The following DACH2 variants were observed in gnomAD, a reference collection of about 807,000 sequenced individuals.
DACH2 encodes the protein dachshund family transcription factor 2.
A neutral mutation model predicts 35.8 loss-of-function variants in DACH2; 17 were observed. The observed-to-expected ratio is 0.48, with a 90% CI of 0.33 to 0.71. DACH2 has a LOEUF of 0.71. Among genes scored for constraint, DACH2 ranks in the 30% least tolerant of loss-of-function variants. The pLI is 0.02. For missense variants in DACH2, 469 were observed against 472.7 expected, an observed-to-expected ratio of 0.99 and a Z score of 0.07; for synonymous variants, 195 against 177.3, an observed-to-expected ratio of 1.10 and a Z score of -0.79.
chrX:86,460,299 A>G (rs2037547190), intron 2 of DACH2, among the ~76,000 whole-genome samples: 1 of 111,137 alleles, frequency 9.0e-6, no homozygotes, highest in Non-Finnish European at 1.9e-5. Flanking sequence ...AGAATACTAC[A>G]TTTCAAAATG....
intron 3 of DACH2, among the ~76,000 whole-genome samples, chrX:86,572,388 G>A (rs896267976): frequency 2.7e-5 from 3 of 111,376 alleles, no homozygotes; most frequent in African/African-American, 9.8e-5. Flanking sequence ...GTTTATTGAT[G>A]TTGTATACTA....
At chrX:86,183,843 C>G (rs1352442817) in intron 1 of DACH2, among the ~76,000 whole-genome samples, 3 of 111,411 alleles carry the variant, frequency 2.7e-5, no homozygotes, top group Admixed American at 1.9e-4. Flanking sequence ...ATTACTGCCT[C>G]AATTTCAGAA....
intron 3 of DACH2, among the ~76,000 whole-genome samples, chrX:86,591,815 C>T (rs1418493123): frequency 9.0e-6 from 1 of 111,144 alleles, no homozygotes; most frequent in Non-Finnish European, 1.9e-5. Context: ...GGATTATAGG[C>T]GTGAACCACC....
In DACH2 at chrX:86,489,212, A is replaced by G. The variant is rs149612228; in HGVS notation, c.528-25067A>G. 2.2e-4 allele frequency among the ~76,000 whole-genome samples: 24 copies of G among 110,478 alleles called. 2 individuals carry two copies. In the East Asian group the frequency reaches 6.2e-3, roughly 29 times the overall value. On this transcript the variant is annotated intron_variant, in intron 2 of 11. Coordinates refer to ENST00000373125, the MANE Select transcript of DACH2 (RefSeq NM_053281.3). ...ATAAGATTCATACCTCATATTTCCT[A>G]TTGCACCTCATTCATATCACCTGAG... is the stretch of plus-strand genomic sequence containing the variant.
intron 6 of DACH2, among the ~76,000 whole-genome samples, chrX:86,718,989 G>A (rs781644400): frequency 6.3e-5 from 7 of 111,843 alleles, no homozygotes; most frequent in Admixed American, 5.7e-4. Flanking sequence ...ATGATTTTGA[G>A]GATAGTATTT....
At chrX:86,458,017 C>T (rs1473154450) in intron 2 of DACH2, among the ~76,000 whole-genome samples, 1 of 111,727 alleles carries the variant, frequency 9.0e-6, no homozygotes, top group African/African-American at 3.3e-5. Flanking sequence ...AAATACAATA[C>T]CGCACTTCAT....
chrX:86,435,184 G>T (rs1217314213), intron 2 of DACH2, among the ~76,000 whole-genome samples: 2 of 111,661 alleles, frequency 1.8e-5, no homozygotes, highest in Admixed American at 1.9e-4. Context: ...GTGAGGGCTA[G>T]ACAAAAGGAG....
rs776088455 is a variant in DACH2 at position 86,566,265 on chromosome X, G to GT, written c.640+51875dup. Among the ~76,000 whole-genome samples, 197 of 111,840 alleles carry GT rather than the reference G, an allele frequency of 1.8e-3. 1 individual carries two copies. The highest frequency in any genetic ancestry group is 6.1e-3 in the African/African-American group (190 of 30,983). ...ATTCCAATTACAGAAGTAAAGTAATGTATGTTATTATCCCACAACATTAGA... is the reference window on the plus strand; with the variant it reads ...ATTCCAATTACAGAAGTAAAGTAATGTTATGTTATTATCCCACAACATTAGA... On this transcript the variant is annotated intron_variant, in intron 3 of 11. Transcript: ENST00000373125.
intron 1 of DACH2, among the ~76,000 whole-genome samples, chrX:86,215,451 T>A (rs1189206087): frequency 8.9e-6 from 1 of 112,118 alleles, no homozygotes; most frequent in African/African-American, 3.2e-5. Context: ...TTTACTATCC[T>A]ATATTGCGTA....
chrX:86,435,801 C>T (rs1186234270), intron 2 of DACH2, among the ~76,000 whole-genome samples: 1 of 111,673 alleles, frequency 9.0e-6, no homozygotes, highest in Non-Finnish European at 1.9e-5. Context: ...AATGTGCATT[C>T]ATTTGTAAGG....
intron 4 of DACH2, among the ~76,000 whole-genome samples, chrX:86,684,322 A>G (rs1008217279): frequency 8.9e-6 from 1 of 111,951 alleles, no homozygotes; most frequent in African/African-American, 3.2e-5. Flanking sequence ...CTTTGTGTGC[A>G]GGGATAAAAA....
At chrX:86,402,465 G>T (rs1450816557) in intron 2 of DACH2, among the ~76,000 whole-genome samples, 1 of 111,237 alleles carries the variant, frequency 9.0e-6, no homozygotes, top group Non-Finnish European at 1.9e-5. Context: ...TAGGAATACA[G>T]GTGACCAAGG....
intron 2 of DACH2, among the ~76,000 whole-genome samples, chrX:86,386,150 C>T (rs1386875624): frequency 9.0e-6 from 1 of 111,714 alleles, no homozygotes; most frequent in East Asian, 2.8e-4. Flanking sequence ...AAGCTCCTCT[C>T]AGCTGTAACG....
Position 86,756,048 on chromosome X carries a change from A to G in DACH2, c.1240+16166A>G, listed in dbSNP as rs895204627. 1.1e-4 allele frequency among the ~76,000 whole-genome samples: 12 copies of G among 110,893 alleles called. No individual in the cohort carries two copies. The Admixed American group carries it at 1.2e-3, about 11-fold the overall frequency. On this transcript the variant is annotated intron_variant, in intron 7 of 11. Coordinates refer to ENST00000373125, the MANE Select transcript of DACH2 (RefSeq NM_053281.3). Reference sequence around the variant, plus strand: ...TTTGTGAAAAATCAGTTGGCTATAAATGGGTGGATTTATTTTTGGATTCTC... The same window carrying G: ...TTTGTGAAAAATCAGTTGGCTATAAGTGGGTGGATTTATTTTTGGATTCTC...
At chrX:86,336,524 A>G (rs753105948) in intron 1 of DACH2, among the ~76,000 whole-genome samples, 1 of 111,857 alleles carries the variant, frequency 8.9e-6, no homozygotes, top group East Asian at 2.8e-4. Context: ...AGGGAAAACT[A>G]ACAAACAGAA....
At chrX:86,269,817 A>G (rs947991744) in intron 1 of DACH2, among the ~76,000 whole-genome samples, 14 of 109,675 alleles carry the variant, frequency 1.3e-4, no homozygotes, top group Non-Finnish European at 2.7e-4. Flanking sequence ...TTGTGTTAAA[A>G]AGTACTCTGA....
At chrX:86,299,059 C>T (rs1299091903) in intron 1 of DACH2, among the ~76,000 whole-genome samples, 1 of 111,832 alleles carries the variant, frequency 8.9e-6, no homozygotes. Context: ...TCTTTAGATT[C>T]TGGGATATAT....
At chrX:86,588,409 G>T (rs1436585676) in intron 3 of DACH2, among the ~76,000 whole-genome samples, 1 of 111,721 alleles carries the variant, frequency 9.0e-6, no homozygotes, top group Admixed American at 9.6e-5. Flanking sequence ...AAGTGACATT[G>T]GTAGCTTTAT....
intron 6 of DACH2, among the ~76,000 whole-genome samples, chrX:86,721,132 T>C (rs1417120065): frequency 1.8e-5 from 2 of 112,370 alleles, no homozygotes; most frequent in African/African-American, 6.5e-5. Flanking sequence ...AAACCTGTGA[T>C]GGGAAGATCT....
Sources: allele counts gnomAD v4.1 joint callset (sites outside exome capture counted in the v4.1 genomes callset), GRCh38; gene constraint gnomAD v4.1.1; transcripts MANE v1.5; gene names NCBI Gene and HGNC (gene_info 2026-07-23, HGNC 2026-07-21).